Variants in MAML2 observed in about 807,000 individuals in gnomAD.
MAML2 encodes the protein mastermind like transcriptional coactivator 2.
MAML2 carries 22 observed loss-of-function variants against 96.1 expected under a neutral mutation model. That is an observed-to-expected ratio of 0.23 (90% CI 0.16 to 0.33). The LOEUF (loss-of-function observed/expected upper bound fraction) is 0.33, where lower values mean the gene tolerates loss of function less well. Ranked by LOEUF, MAML2 falls within the 10% of genes least tolerant of loss-of-function variation. MAML2 has a pLI of 1.00. For synonymous variants in MAML2, 561 were observed against 521.3 expected, an observed-to-expected ratio of 1.08 and a Z score of -1.04; for missense variants, 1,367 against 1,392.4, an observed-to-expected ratio of 0.98 and a Z score of 0.29.
chr11:96,034,958 G>C (rs1021862010), intron 2 of MAML2, among the ~76,000 whole-genome samples: 1 of 152,142 alleles, frequency 6.6e-6, no homozygotes, highest in Non-Finnish European at 1.5e-5. Flanking sequence ...AAGAGGTTTA[G>C]TTTAAAAGAT....
chr11:96,032,181 C>T (rs1382842131), intron 2 of MAML2, among the ~76,000 whole-genome samples: 1 of 151,974 alleles, frequency 6.6e-6, no homozygotes, highest in East Asian at 1.9e-4. Flanking sequence ...GACAGGATAG[C>T]AAAGTGGTGC....
chr11:96,222,073 C>T (rs1194891079), intron 1 of MAML2, among the ~76,000 whole-genome samples: 7 of 152,262 alleles, frequency 4.6e-5, no homozygotes, highest in African/African-American at 7.2e-5. Flanking sequence ...ACCAGACCAA[C>T]GAGAAAATGT....
At chr11:96,232,765 C>T (rs1369831857) in intron 1 of MAML2, among the ~76,000 whole-genome samples, 1 of 152,208 alleles carries the variant, frequency 6.6e-6, no homozygotes, top group African/African-American at 2.4e-5. Flanking sequence ...AGCCACCGCG[C>T]CCGGCCAAGG....
intron 2 of MAML2, among the ~76,000 whole-genome samples, chr11:96,059,041 C>T (rs1859114095): frequency 6.6e-6 from 1 of 152,092 alleles, no homozygotes; most frequent in South Asian, 2.1e-4. Flanking sequence ...GAGATCGTGC[C>T]ACTGCACTCC....
At chr11:96,243,722 T>C (rs140017721) in intron 1 of MAML2, among the ~76,000 whole-genome samples, 9,552 of 151,456 alleles carry the variant, frequency 0.063, 697 homozygotes, top group South Asian at 0.16. Flanking sequence ...GGCGCGATGT[T>C]GTCTCACTGC....
intron 1 of MAML2, among the ~76,000 whole-genome samples, chr11:96,313,999 A>G (rs1317733762): frequency 6.6e-6 from 1 of 152,226 alleles, no homozygotes; most frequent in Non-Finnish European, 1.5e-5. Context: ...ACAGTAATTC[A>G]TCTGGTGTTT....
At chr11:96,019,981 C>T (rs1006983100) in intron 2 of MAML2, among the ~76,000 whole-genome samples, 11 of 152,066 alleles carry the variant, frequency 7.2e-5, no homozygotes, top group Non-Finnish European at 2.9e-5. Context: ...GCTATTCAGT[C>T]GTTAAGTGCT....
At chr11:96,312,821 T>C (rs532804076) in intron 1 of MAML2, among the ~76,000 whole-genome samples, 1 of 152,354 alleles carries the variant, frequency 6.6e-6, no homozygotes, top group South Asian at 2.1e-4. Context: ...AGCTTTAGTT[T>C]CTTATCAGGA....
chr11:95,999,296 G>A (rs1858044438), intron 2 of MAML2, among the ~76,000 whole-genome samples: 1 of 152,102 alleles, frequency 6.6e-6, no homozygotes, highest in Non-Finnish European at 1.5e-5. Context: ...GTCAATATGT[G>A]AGAGATCTTT....
intron 1 of MAML2, among the ~76,000 whole-genome samples, chr11:96,314,534 C>T (rs940104163): frequency 7.9e-5 from 12 of 152,162 alleles, no homozygotes; most frequent in African/African-American, 2.9e-4. Flanking sequence ...CAGTGCTGCA[C>T]GTATCTAAGA....
intron 1 of MAML2, among the ~76,000 whole-genome samples, chr11:96,149,622 C>T (rs1353417118): frequency 6.6e-6 from 1 of 151,936 alleles, no homozygotes; most frequent in East Asian, 1.9e-4. Context: ...GTCCCAGCTA[C>T]TCAGGAGGCT....
chr11:96,093,621 C>A (rs1421909824), intron 1 of MAML2, 104 bp from the exon 2 acceptor site: 5 of 881,680 alleles, frequency 5.7e-6, no homozygotes, highest in East Asian at 2.5e-5. Flanking sequence ...TATTTACACA[C>A]AAGATTCAGT....
At chr11:96,086,116 A>G (rs1859608068) in intron 2 of MAML2, among the ~76,000 whole-genome samples, 1 of 152,198 alleles carries the variant, frequency 6.6e-6, no homozygotes, top group South Asian at 2.1e-4. Flanking sequence ...ACAAAGTAAT[A>G]AGGACAGATA....
At chr11:95,984,220 C>G (rs1434404102) in intron 4 of MAML2, among the ~76,000 whole-genome samples, 2 of 152,246 alleles carry the variant, frequency 1.3e-5, no homozygotes, top group African/African-American at 4.8e-5. Context: ...ATCATATAGC[C>G]TAGGTGTGTA....
chr11:96,176,581 C>G (rs1861391519), intron 1 of MAML2, among the ~76,000 whole-genome samples: 1 of 152,086 alleles, frequency 6.6e-6, no homozygotes, highest in Non-Finnish European at 1.5e-5. Context: ...CCCTTCAACA[C>G]AGCTCTGGTC....
At chr11:96,027,263 C>T (rs1418608249) in intron 2 of MAML2, among the ~76,000 whole-genome samples, 2 of 152,144 alleles carry the variant, frequency 1.3e-5, no homozygotes, top group Non-Finnish European at 2.9e-5. Context: ...TTATAGAGTG[C>T]TATTAAAGCT....
At chr11:96,265,347 A>G (rs1490192813) in intron 1 of MAML2, among the ~76,000 whole-genome samples, 3 of 152,238 alleles carry the variant, frequency 2.0e-5, no homozygotes, top group African/African-American at 7.2e-5. Flanking sequence ...CTTTCAAGTG[A>G]ATAACTAGAA....
chr11:96,283,220 T>C (rs1863095200), intron 1 of MAML2, among the ~76,000 whole-genome samples: 1 of 152,252 alleles, frequency 6.6e-6, no homozygotes, highest in Admixed American at 6.5e-5. Flanking sequence ...TGTTAAACTT[T>C]GTGCTCTCTA....
intron 1 of MAML2, among the ~76,000 whole-genome samples, chr11:96,194,072 G>A (rs1353859547): frequency 1.3e-5 from 2 of 152,174 alleles, no homozygotes; most frequent in Non-Finnish European, 2.9e-5. Context: ...CCGTCAAATG[G>A]TAAACGATCT....
Sources: allele counts gnomAD v4.1 joint callset (sites outside exome capture counted in the v4.1 genomes callset), GRCh38; gene constraint gnomAD v4.1.1; transcripts MANE v1.5; gene names NCBI Gene and HGNC (gene_info 2026-07-23, HGNC 2026-07-21).